ARL13B: variants seen among roughly 807,000 people sequenced by gnomAD.
ARL13B encodes the protein ADP-ribosylation factor-like protein 13B.
In ARL13B, 36 loss-of-function variants were observed where a neutral mutation model predicts 56.1. The observed-to-expected ratio is 0.64, with a 90% CI of 0.49 to 0.85. ARL13B has a LOEUF of 0.85. Ranked by LOEUF, ARL13B falls within the 40% of genes least tolerant of loss-of-function variation. The pLI is 0.00. For synonymous variants in ARL13B, 178 were observed against 171.1 expected (o/e 1.04, Z -0.32); for missense variants, 519 against 507.1 (o/e 1.02, Z -0.23).
chr3:94,014,175 T>C (rs2076279189), intron 3 of ARL13B, among the ~76,000 whole-genome samples: 1 of 152,188 alleles, frequency 6.6e-6, no homozygotes, highest in Admixed American at 6.5e-5. Context: ...CTGTATTTTT[T>C]TGTACTTTAA....
intron 9 of ARL13B, 35 bp from the exon 10 acceptor site, chr3:94,053,152 C>T (rs1416515784): frequency 6.5e-7 from 1 of 1,545,092 alleles, no homozygotes; most frequent in Non-Finnish European, 8.9e-7. Flanking sequence ...TGTACCATAA[C>T]TGTTTTGTGC....
intron 5 of ARL13B, 90 bp from the exon 6 acceptor site, chr3:94,039,790 A>C: frequency 9.5e-7 from 1 of 1,049,692 alleles, no homozygotes; most frequent in South Asian, 1.4e-5. Flanking sequence ...AAATTACTAC[A>C]TGTAATAGCC....
chr3:94,019,851 C>T (rs1031377789), intron 3 of ARL13B, among the ~76,000 whole-genome samples: 2 of 152,174 alleles, frequency 1.3e-5, no homozygotes, highest in African/African-American at 4.8e-5. Flanking sequence ...GGCCTTGGCA[C>T]TTGCCTTCTC....
At chr3:94,051,421 C>A (rs890071273) in intron 9 of ARL13B, among the ~76,000 whole-genome samples, 6 of 152,072 alleles carry the variant, frequency 3.9e-5, no homozygotes, top group African/African-American at 1.4e-4. Context: ...AAGTTACTAA[C>A]ATTTTTATTG....
At chr3:94,038,509 G>T in intron 5 of ARL13B, among the ~76,000 whole-genome samples, 3 of 139,328 alleles carry the variant, frequency 2.2e-5, no homozygotes, top group African/African-American at 5.4e-5. Context: ...TTGGTCTCTG[G>T]CTGCTCTTTT....
At chr3:93,998,639 T>C (rs2076004593) in intron 2 of ARL13B, among the ~76,000 whole-genome samples, 1 of 152,208 alleles carries the variant, frequency 6.6e-6, no homozygotes, top group Admixed American at 6.5e-5. Flanking sequence ...TAGTCTCCTC[T>C]TTTATAAAGT....
chr3:94,029,301 C>CATATAT (rs1242349606), intron 3 of ARL13B, among the ~76,000 whole-genome samples: 1,811 of 76,992 alleles, frequency 0.024, 27 homozygotes, highest in Admixed American at 0.039. Flanking sequence ...CTATCAAAAT[C>CATATAT]ATATATATAT....
At chr3:94,015,154 A>T (rs762715526) in intron 3 of ARL13B, 1 of 1,614,002 alleles carries the variant, frequency 6.2e-7, no homozygotes. Context: ...TTCATAAATA[A>T]CAGCTTGCTG....
intron 1 of ARL13B, among the ~76,000 whole-genome samples, chr3:93,984,094 G>A (rs1312555170): frequency 6.6e-6 from 1 of 152,178 alleles, no homozygotes; most frequent in Non-Finnish European, 1.5e-5. Context: ...GGTGGCTCAC[G>A]CCTGTAGTCC....
At position 94,045,051 on chromosome 3, in the gene ARL13B, G is replaced by A. The variant is rs976001354; in HGVS notation, c.1024+1811G>A. On this transcript the variant is annotated intron_variant, in intron 7 of 9. Coordinates refer to ENST00000394222, the MANE Select transcript of ARL13B (RefSeq NM_001174150.2). The stretch of plus-strand genomic sequence containing the variant: ...GAAAGAGAGATCAGATGGTTACTGT[G>A]TCTGTGTAGAAAGAAGTAGACATAG... 2.6e-5 allele frequency among the ~76,000 whole-genome samples: 4 copies of A among 152,216 alleles called. No individual in the cohort carries two copies. The East Asian group carries it at 7.7e-4, about 29-fold the overall frequency.
Position 94,053,405 on chromosome 3 carries a change from A to G in ARL13B, c.*142A>G, listed in dbSNP as rs1455703552. 2.6e-6 allele frequency: 2 copies of G among 770,480 alleles called. No individual in the cohort carries two copies. The highest frequency in any genetic ancestry group is 4.5e-6 in the Non-Finnish European group (2 of 446,638). 47.7% of individuals were successfully genotyped at this position (770,480 alleles called of 1,614,324 possible). A position where few individuals can be genotyped will look rare whatever the true frequency, so the allele number is the denominator to read the frequency against. The stretch of plus-strand genomic sequence containing the variant: ...TTAGTGAGAAGATTAATACTCAAGG[A>G]CCTGACTTGATAATTACTTATTTGT... On this transcript the variant is annotated 3_prime_UTR_variant, in exon 10 of 10. Transcript: ENST00000394222.
chr3:94,008,474 T>G (rs2076169412), intron 3 of ARL13B, among the ~76,000 whole-genome samples: 1 of 152,196 alleles, frequency 6.6e-6, no homozygotes, highest in South Asian at 2.1e-4. Context: ...TACCAAATTT[T>G]AAGCTCAACA....
At chr3:93,990,587 T>A (rs1468229779) in intron 1 of ARL13B, among the ~76,000 whole-genome samples, 1 of 152,204 alleles carries the variant, frequency 6.6e-6, no homozygotes, top group Non-Finnish European at 1.5e-5. Flanking sequence ...ATGTTGGTGC[T>A]TAAAAAGTTT....
At chr3:93,984,823 A>T (rs1229700979) in intron 1 of ARL13B, among the ~76,000 whole-genome samples, 1 of 152,124 alleles carries the variant, frequency 6.6e-6, no homozygotes, top group African/African-American at 2.4e-5. Flanking sequence ...CCTGGGCAAT[A>T]TAGTGAGACC....
At chr3:93,985,035 A>G (rs1575921977) in intron 1 of ARL13B, among the ~76,000 whole-genome samples, 1 of 151,966 alleles carries the variant, frequency 6.6e-6, no homozygotes, top group African/African-American at 2.4e-5. Context: ...CAATCAATCA[A>G]TAAGACTAAA....
chr3:94,003,941 G>A lies in ARL13B; in HGVS notation c.380+33G>A, dbSNP rs1281402344. 2 of 1,611,938 alleles carry A rather than the reference G, an allele frequency of 1.2e-6. 1 individual carries two copies. The highest frequency in any genetic ancestry group is 4.5e-5 in the East Asian group (2 of 44,784). On this transcript the variant is annotated intron_variant, in intron 3 of 9. Coordinates refer to ENST00000394222, the MANE Select transcript of ARL13B (RefSeq NM_001174150.2). The stretch of plus-strand genomic sequence containing the variant: ...ATGTTAGCATCATTGTAAATGTAGG[G>A]ACGATGGCATTGGCCACTAAAGAAA...
intron 3 of ARL13B, among the ~76,000 whole-genome samples, chr3:94,006,766 C>T (rs1275840330): frequency 6.6e-6 from 1 of 152,172 alleles, no homozygotes; most frequent in African/African-American, 2.4e-5. Flanking sequence ...CTTCAAGTTC[C>T]TTTCATAGTT....
intron 3 of ARL13B, among the ~76,000 whole-genome samples, chr3:94,027,553 G>A (rs1474265078): frequency 6.6e-6 from 1 of 152,062 alleles, no homozygotes; most frequent in African/African-American, 2.4e-5. Flanking sequence ...TGAAGATAAT[G>A]TGTTCGAGGT....
Position 93,980,183 on chromosome 3 carries a change from C to T in ARL13B, c.-241C>T, listed in dbSNP as rs762539982. On this transcript the variant is annotated 5_prime_UTR_variant, in exon 1 of 10. Coordinates refer to ENST00000394222, the MANE Select transcript of ARL13B (RefSeq NM_001174150.2). ...TTTCTTTAGCCGGGTCCCGCTAACT[C>T]GGCTACGGTGTATCTGCGTCTTTGG... 5.9e-6 allele frequency: 4 copies of T among 676,524 alleles called. No individual in the cohort carries two copies. Among genetic ancestry groups the T allele is most frequent in the Admixed American group, 2.1e-5 (1 of 47,880 alleles). 41.9% of individuals were successfully genotyped at this position (676,524 alleles called of 1,614,324 possible). A position where few individuals can be genotyped will look rare whatever the true frequency, so the allele number is the denominator to read the frequency against.
Sources: gnomAD v4.1 joint callset for allele counts (sites outside exome capture counted in the v4.1 genomes callset) on GRCh38, gnomAD v4.1.1 for gene constraint, MANE v1.5 for transcripts, NCBI Gene and HGNC (gene_info 2026-07-23, HGNC 2026-07-21) for gene names.